Variants in PDIA4 observed in about 807,000 individuals in gnomAD.
The protein encoded by PDIA4 is protein disulfide-isomerase A4.
Under a neutral mutation model 62.1 loss-of-function variants are expected in PDIA4, and 33 were observed. The observed-to-expected ratio is 0.53, with a 90% CI of 0.40 to 0.71. The LOEUF (loss-of-function observed/expected upper bound fraction) is 0.71, where lower values mean the gene tolerates loss of function less well. Ranked by LOEUF, PDIA4 falls within the 30% of genes least tolerant of loss-of-function variation. PDIA4 has a pLI of 0.00. For missense variants in PDIA4, 804 were observed against 813.6 expected (o/e 0.99, Z 0.14); for synonymous variants, 341 against 324.1 (o/e 1.05, Z -0.56).
rs1823961612 is a variant in PDIA4, at chr7:149,012,003, T to A, written c.822A>T (p.Gly274=). The A allele has an allele frequency of 6.3e-7, 1 of 1,591,450 alleles. No homozygotes were observed. The highest frequency in any genetic ancestry group is 1.7e-5 in the Admixed American group (1 of 57,842). ...YDYNGPREKY[G]IVDYMIEQSG... ...ACTGCTCGATCATGTAATCAACGAT[T>A]CCTGGGAGCAGGGCACACGCCTGAG... Residue 274 remains glycine (G), a splice_region_variant and synonymous_variant, in exon 6 of 10, where the codon GGA becomes GGT. Coordinates refer to ENST00000652332, the MANE Select transcript of PDIA4 (RefSeq NM_004911.5).
intron 6 of PDIA4, among the ~76,000 whole-genome samples, chr7:149,011,585 C>T (rs2129504517): frequency 6.6e-6 from 1 of 152,294 alleles, no homozygotes; most frequent in Non-Finnish European, 1.5e-5. Flanking sequence ...TGAAGACCTG[C>T]CCTCCTCGGG....
In PDIA4 at chr7:149,011,849, C is replaced by T; in HGVS notation, c.976G>A (p.Ala326Thr). The T allele has an allele frequency of 6.4e-7, 1 of 1,564,230 alleles. No homozygotes were observed. The highest frequency in any genetic ancestry group is 8.7e-7 in the Non-Finnish European group (1 of 1,155,070). The change falls in exon 6 of 10, where the codon GCC (alanine) becomes ACC (threonine). Residue 326 changes from alanine (A) to threonine (T), a missense_variant. Coordinates refer to ENST00000652332, the MANE Select transcript of PDIA4 (RefSeq NM_004911.5). ...AGCCCAGAGGGCCACAACTCACCGG[C>T]ATCCTGGTATTGCTGGTAGGCTGGG... ...SDPAYQQYQD[A>T]ANNLREDYKF... is the part of the protein sequence containing the mutation.
intron 1 of PDIA4, among the ~76,000 whole-genome samples, chr7:149,024,589 C>T (rs1329866544): frequency 6.6e-6 from 1 of 151,836 alleles, no homozygotes; most frequent in Non-Finnish European, 1.5e-5. Context: ...CTGAGACGGG[C>T]AGATCACGAG....
intron 5 of PDIA4, 25 bp from the exon 6 acceptor site, chr7:149,012,029 C>G (rs1331635209): frequency 1.3e-6 from 2 of 1,595,158 alleles, no homozygotes; most frequent in Admixed American, 1.7e-5. Flanking sequence ...CACGCCTGAG[C>G]AGGGGCACTA....
At chr7:149,014,621 G>A (rs1824066093) in intron 4 of PDIA4, among the ~76,000 whole-genome samples, 1 of 152,134 alleles carries the variant, frequency 6.6e-6, no homozygotes, top group South Asian at 2.1e-4. Flanking sequence ...ACCAGCCACT[G>A]TACTTGCTCC....
chr7:149,016,335 A>G (rs1824138877), intron 3 of PDIA4, among the ~76,000 whole-genome samples: 1 of 152,224 alleles, frequency 6.6e-6, no homozygotes, highest in South Asian at 2.1e-4. Context: ...TTTGTTTTAG[A>G]TTAAGTTCTT....
chr7:149,025,930 G>A (rs1415875522), intron 1 of PDIA4, among the ~76,000 whole-genome samples: 1 of 152,182 alleles, frequency 6.6e-6, no homozygotes, highest in Non-Finnish European at 1.5e-5. Flanking sequence ...TGAAGGATGT[G>A]TAGAGTGCAG....
chr7:149,007,793 T>C (rs1823813105), intron 7 of PDIA4, among the ~76,000 whole-genome samples: 1 of 152,242 alleles, frequency 6.6e-6, no homozygotes, highest in South Asian at 2.1e-4. Context: ...CGACTTGGCC[T>C]CAACGGAGCA....
At position 149,004,156 on chromosome 7, in the gene PDIA4, G is replaced by A. The variant is rs368521867; in HGVS notation, c.1576C>T (p.Pro526Ser). The A allele has an allele frequency of 1.8e-5, 29 of 1,613,772 alleles. No individual in the cohort carries two copies. Among genetic ancestry groups the A allele is most frequent in the Non-Finnish European group, 2.4e-5 (28 of 1,179,942 alleles). Reference protein sequence around the residue: ...SQPVPKNNKGPVKVVVGKTFD... With the variant: ...SQPVPKNNKGSVKVVVGKTFD... ...GTCTTTCCCACCACGACCTTGACGG[G>A]TCCCTTGTTGTTCTTGGGCACTGGC... The change falls in exon 10 of 10, where the codon CCC (proline) becomes TCC (serine). Residue 526 changes from proline to serine, a missense_variant. Pro to Ser is a moderately conservative substitution (Grantham distance 74). Transcript: ENST00000652332.
Position 149,003,395 on chromosome 7 carries a change from C to T in PDIA4, c.*399G>A, listed in dbSNP as rs140705652. On this transcript the variant is annotated 3_prime_UTR_variant, in exon 10 of 10. Transcript: ENST00000652332. ...AAACACATACCAGAAGCCAAATCTA[C>T]GCCAACAATTTCTCAGACAACGAAA... 244 of 155,500 alleles carry T rather than the reference C, an allele frequency of 1.6e-3. No homozygotes were observed. The highest frequency in any genetic ancestry group is 7.7e-3 in the East Asian group (41 of 5,326). The allele number at this position is 155,500 out of a possible 1,614,324, so 9.6% of individuals were successfully genotyped here.
chr7:149,014,900 T>C lies in PDIA4; in HGVS notation c.614+4A>G. 1 of 1,613,980 alleles carries C rather than the reference T, an allele frequency of 6.2e-7. No individual in the cohort carries two copies. The highest frequency in any genetic ancestry group is 1.6e-4 in the Middle Eastern group (1 of 6,062). On this transcript the variant is annotated splice_donor_region_variant and intron_variant, in intron 4 of 9. Coordinates refer to ENST00000652332, the MANE Select transcript of PDIA4 (RefSeq NM_004911.5). The stretch of plus-strand genomic sequence containing the variant: ...AATATGGAAAGGGCCTGACACCACC[T>C]TACCATGGGGCATAAAACTCCACCA...
chr7:149,008,198 C>T lies in PDIA4; in HGVS notation c.1092G>A (p.Gln364=). 1 of 1,614,144 alleles carries T rather than the reference C, an allele frequency of 6.2e-7. No homozygotes were observed. Among genetic ancestry groups the T allele is most frequent in the Non-Finnish European group, 8.5e-7 (1 of 1,180,004 alleles). The change falls in exon 7 of 10, where the codon CAG becomes CAA. Residue 364 remains glutamine, a synonymous_variant. Transcript: ENST00000652332. The stretch of plus-strand genomic sequence containing the variant: ...TGTGGCTCCGGGGCTCATACTTGGA[C>T]TGGAATTTCTCAGGCTGCATTACAA... The part of the protein sequence containing the change: ...QLVVMQPEKF[Q]SKYEPRSHMM...
At position 149,008,191 on chromosome 7, in the gene PDIA4, AC is replaced by A. The variant is rs1823826718; in HGVS notation, c.1098del (p.Lys366AsnfsTer8). 2 of 1,614,030 alleles carry A rather than the reference AC, an allele frequency of 1.2e-6. No homozygotes were observed. The highest frequency in any genetic ancestry group is 2.7e-5 in the African/African-American group (2 of 75,018). On this transcript the variant is annotated frameshift_variant, in exon 7 of 10. Coordinates refer to ENST00000652332, the MANE Select transcript of PDIA4 (RefSeq NM_004911.5). LOFTEE classifies it high-confidence loss of function. The part of the protein sequence containing the change: ...VVMQPEKFQS[K>X]YEPRSHMMDV... ...TCCATCATGTGGCTCCGGGGCTCAT[AC>A]TTGGACTGGAATTTCTCAGGCTGCA... is the stretch of plus-strand genomic sequence containing the variant.
chr7:149,004,259 A>G, intron 9 of PDIA4, 50 bp from the exon 10 acceptor site: 1 of 1,549,042 alleles, frequency 6.5e-7, no homozygotes, highest in Non-Finnish European at 8.8e-7. Context: ...CAAAGGCCAA[A>G]GATTCTGGGG....
intron 3 of PDIA4, 42 bp downstream of exon 3, chr7:149,018,950 C>T (rs765790577): frequency 1.0e-5 from 15 of 1,450,170 alleles, no homozygotes; most frequent in African/African-American, 9.8e-5. Context: ...CCATTCCCTG[C>T]GGGAAGGAGT....
chr7:149,007,951 G>A (rs1008790692), intron 7 of PDIA4, among the ~76,000 whole-genome samples: 6 of 152,256 alleles, frequency 3.9e-5, no homozygotes, highest in Admixed American at 2.0e-4. Context: ...CCAGGTGTGC[G>A]GGAGCCCCAG....
chr7:149,026,625 T>A (rs1452990302), intron 1 of PDIA4, among the ~76,000 whole-genome samples: 1 of 151,122 alleles, frequency 6.6e-6, no homozygotes, highest in African/African-American at 2.4e-5. Context: ...CACTCCAGCC[T>A]GGGCGACAGA....
Position 149,005,328 on chromosome 7 carries a change from G to A in PDIA4, c.1335C>T (p.Phe445=), listed in dbSNP as rs771404997. 2 of 1,614,126 alleles carry A rather than the reference G, an allele frequency of 1.2e-6. No individual in the cohort carries two copies. Among genetic ancestry groups the A allele is most frequent in the African/African-American group, 1.3e-5 (1 of 75,040 alleles). ...RSKVLEVAKD[F]PEYTFAIADE... ...CCGCAATGGCAAAGGTGTACTCAGG[G>A]AAGTCCTTGGCCACCTCTAGGACTT... The change falls in exon 9 of 10, where the codon TTC becomes TTT. Residue 445 remains phenylalanine (F), a synonymous_variant. Transcript: ENST00000652332.
chr7:149,004,019 CT>C lies in PDIA4; in HGVS notation c.1712del (p.Lys571SerfsTer57), dbSNP rs1585409072. The C allele has an allele frequency of 4.3e-6, 7 of 1,614,210 alleles. No homozygotes were observed. The highest frequency in any genetic ancestry group is 1.3e-5 in the African/African-American group (1 of 75,066). ...LEPVYNSLAK[K>X]YKGQKGLVIA... ...TGACCAGGCCCTTTTGGCCCTTGTA[CT>C]TCTTGGCCAGGCTGTTGTACACGGG... is the stretch of plus-strand genomic sequence containing the variant. On this transcript the variant is annotated frameshift_variant, in exon 10 of 10. Coordinates refer to ENST00000652332, the MANE Select transcript of PDIA4 (RefSeq NM_004911.5). LOFTEE classifies it high-confidence loss of function.
Sources: allele counts gnomAD v4.1 joint callset (sites outside exome capture counted in the v4.1 genomes callset), GRCh38; gene constraint gnomAD v4.1.1; transcripts MANE v1.5; gene names NCBI Gene and HGNC (gene_info 2026-07-23, HGNC 2026-07-21).